Variants in SMAD1 observed in about 807,000 individuals in gnomAD.
The protein encoded by SMAD1 is SMAD family member 1.
In SMAD1, 6 loss-of-function variants were observed where a neutral mutation model predicts 41.6. The observed-to-expected ratio is 0.14, with a 90% CI of 0.08 to 0.28. The LOEUF is 0.28. SMAD1 is among the 10% of genes least tolerant of loss of function. The pLI is 1.00. For synonymous variants in SMAD1, 206 were observed against 203.2 expected (o/e 1.01, Z -0.12); for missense variants, 379 against 582.6 (o/e 0.65, Z 3.60).
At chr4:145,541,335 A>G (rs764380047) in intron 3 of SMAD1, among the ~76,000 whole-genome samples, 1 of 152,236 alleles carries the variant, frequency 6.6e-6, no homozygotes, top group Non-Finnish European at 1.5e-5. Flanking sequence ...TAGGAATAGT[A>G]GAATAGTATC....
intron 2 of SMAD1, among the ~76,000 whole-genome samples, chr4:145,515,696 G>A (rs1031015518): frequency 1.3e-4 from 20 of 152,172 alleles, no homozygotes; most frequent in Non-Finnish European, 2.6e-4. Flanking sequence ...TTGCCCTCAA[G>A]TTAGAATCTA....
chr4:145,512,917 C>A (rs1193026247), intron 1 of SMAD1, among the ~76,000 whole-genome samples: 1 of 152,158 alleles, frequency 6.6e-6, no homozygotes, highest in Non-Finnish European at 1.5e-5. Flanking sequence ...TAAGATGATT[C>A]TAGATTGGTT....
chr4:145,527,659 C>G (rs1213188676), intron 2 of SMAD1, among the ~76,000 whole-genome samples: 1 of 152,054 alleles, frequency 6.6e-6, no homozygotes, highest in Non-Finnish European at 1.5e-5. Flanking sequence ...ACTGCAAAAT[C>G]CATGCTGCTA....
Position 145,488,384 on chromosome 4 carries a change from G to T in SMAD1, c.-177+6346G>T, listed in dbSNP as rs1728596852. Among the ~76,000 whole-genome samples the T allele has an allele frequency of 2.0e-5, 3 of 151,832 alleles. No homozygotes were observed. The South Asian group carries it at 6.3e-4, about 32-fold the overall frequency. On this transcript the variant is annotated intron_variant, in intron 1 of 6. Coordinates refer to ENST00000302085, the MANE Select transcript of SMAD1 (RefSeq NM_005900.3). Reference sequence around the variant, plus strand: ...ATTTGTAGTTTCCCCTTAATTGTAGGGCTGCTGTACTGTGGATATTTTGCT... The same window carrying T: ...ATTTGTAGTTTCCCCTTAATTGTAGTGCTGCTGTACTGTGGATATTTTGCT...
chr4:145,550,299 G>A (rs959999121), intron 5 of SMAD1, among the ~76,000 whole-genome samples: 2 of 152,110 alleles, frequency 1.3e-5, no homozygotes, highest in African/African-American at 2.4e-5. Flanking sequence ...GATCAGTTGA[G>A]GTCAGGAGTT....
At chr4:145,554,258 A>T (rs1437852097) in intron 6 of SMAD1, among the ~76,000 whole-genome samples, 1 of 152,138 alleles carries the variant, frequency 6.6e-6, no homozygotes, top group Non-Finnish European at 1.5e-5. Flanking sequence ...CAATAGCAGT[A>T]GGTTTTACTA....
rs552772348 is a variant in SMAD1 at position 145,488,342 on chromosome 4, A to G, written c.-177+6304A>G. Reference sequence around the variant, plus strand: ...GTTGATTCAGAATATATTTTTATACATAAGTTTTAATGCTTTATTTGTAGT... The same window carrying G: ...GTTGATTCAGAATATATTTTTATACGTAAGTTTTAATGCTTTATTTGTAGT... On this transcript the variant is annotated intron_variant, in intron 1 of 6. Coordinates refer to ENST00000302085, the MANE Select transcript of SMAD1 (RefSeq NM_005900.3). 1.1e-4 allele frequency among the ~76,000 whole-genome samples: 16 copies of G among 152,168 alleles called. No individual in the cohort carries two copies. In the East Asian group the frequency reaches 1.9e-3, roughly 18 times the overall value.
chr4:145,491,754 TA>T, intron 1 of SMAD1, among the ~76,000 whole-genome samples: 1 of 152,322 alleles, frequency 6.6e-6, no homozygotes, highest in South Asian at 2.1e-4. Flanking sequence ...TGTGAGGGGC[TA>T]TCAGTTATAC....
intron 5 of SMAD1, among the ~76,000 whole-genome samples, chr4:145,552,494 C>G (rs921353593): frequency 1.3e-5 from 2 of 152,086 alleles, no homozygotes; most frequent in Non-Finnish European, 1.5e-5. Context: ...CCCCTACTTT[C>G]CTTTTTTTAA....
intron 3 of SMAD1, among the ~76,000 whole-genome samples, chr4:145,540,698 A>G (rs1204753622): frequency 6.6e-6 from 1 of 151,542 alleles, no homozygotes; most frequent in Non-Finnish European, 1.5e-5. Flanking sequence ...AGGACATTAT[A>G]TATTTTTAAG....
intron 2 of SMAD1, among the ~76,000 whole-genome samples, chr4:145,525,283 C>G (rs988982438): frequency 6.6e-5 from 10 of 152,186 alleles, no homozygotes; most frequent in Non-Finnish European, 1.5e-4. Flanking sequence ...TCCGGAAAGA[C>G]TAAGCATCAT....
chr4:145,529,109 G>T (rs1393620670), intron 2 of SMAD1, among the ~76,000 whole-genome samples: 1 of 152,142 alleles, frequency 6.6e-6, no homozygotes, highest in Non-Finnish European at 1.5e-5. Context: ...GGTTTAAATA[G>T]TAAATTGCCC....
chr4:145,531,718 A>C (rs1731326595), intron 2 of SMAD1, among the ~76,000 whole-genome samples: 1 of 152,124 alleles, frequency 6.6e-6, no homozygotes, highest in African/African-American at 2.4e-5. Context: ...GGGAGTCAGG[A>C]CTAGAACTAA....
At chr4:145,533,811 A>T in intron 2 of SMAD1, among the ~76,000 whole-genome samples, 1 of 152,238 alleles carries the variant, frequency 6.6e-6, no homozygotes, top group East Asian at 1.9e-4. Flanking sequence ...AAGAAGCCTC[A>T]TTTAATCTCA....
intron 5 of SMAD1, among the ~76,000 whole-genome samples, chr4:145,549,928 A>C (rs1001879104): frequency 6.6e-6 from 1 of 152,210 alleles, no homozygotes; most frequent in South Asian, 2.1e-4. Flanking sequence ...ACAATTTTGC[A>C]TACATTTGGG....
chr4:145,497,090 G>A (rs965375237), intron 1 of SMAD1: 14 of 152,082 alleles, frequency 9.2e-5, no homozygotes, highest in African/African-American at 3.4e-4. Flanking sequence ...TGTTCTCAGG[G>A]CATATTGTAG....
At chr4:145,511,950 G>GT (rs1161577464) in intron 1 of SMAD1, among the ~76,000 whole-genome samples, 3 of 152,268 alleles carry the variant, frequency 2.0e-5, no homozygotes, top group Non-Finnish European at 4.4e-5. Context: ...ACAATCTGCT[G>GT]TAAACCAGTT....
At chr4:145,525,916 T>C (rs927368082) in intron 2 of SMAD1, 3 of 152,228 alleles carry the variant, frequency 2.0e-5, no homozygotes, top group African/African-American at 7.2e-5. Flanking sequence ...GCAATTTTCC[T>C]CCAGTTCTCT....
At chr4:145,486,039 T>G (rs924388207) in intron 1 of SMAD1, among the ~76,000 whole-genome samples, 1 of 152,210 alleles carries the variant, frequency 6.6e-6, no homozygotes, top group African/African-American at 2.4e-5. Context: ...TTTTGGTCTT[T>G]CGTTCAGAAG....
Sources: allele counts gnomAD v4.1 joint callset (sites outside exome capture counted in the v4.1 genomes callset), GRCh38; gene constraint gnomAD v4.1.1; transcripts MANE v1.5; gene names NCBI Gene and HGNC (gene_info 2026-07-23, HGNC 2026-07-21).